CTNNA2: variants seen among roughly 807,000 people sequenced by gnomAD.
CTNNA2 encodes catenin alpha-2.
Under a neutral mutation model 101.0 loss-of-function variants are expected in CTNNA2, and 42 were observed. That is an observed-to-expected ratio of 0.42 (90% confidence interval 0.32 to 0.54). The LOEUF (loss-of-function observed/expected upper bound fraction) is 0.54. Ranked by LOEUF, CTNNA2 falls within the 20% of genes least tolerant of loss-of-function variation. CTNNA2 has a pLI of 0.14. For synonymous variants in CTNNA2, 450 were observed against 456.4 expected, an observed-to-expected ratio of 0.99 and a Z score of 0.18; for missense variants, 871 against 1,223.1, an observed-to-expected ratio of 0.71 and a Z score of 4.29.
intron 9 of CTNNA2, among the ~76,000 whole-genome samples, chr2:80,463,301 C>T (rs936627405): frequency 4.6e-5 from 7 of 152,112 alleles, no homozygotes; most frequent in Admixed American, 1.3e-4. Flanking sequence ...ATAGAACACC[C>T]CCCTTAATAG....
chr2:79,836,131 G>A (rs544257169), intron 3 of CTNNA2, among the ~76,000 whole-genome samples: 2 of 152,222 alleles, frequency 1.3e-5, no homozygotes, highest in East Asian at 1.9e-4. Flanking sequence ...TGCCAATTGG[G>A]TTTAATCTTT....
intron 2 of CTNNA2, among the ~76,000 whole-genome samples, chr2:79,253,375 G>A (rs1674798499): frequency 6.6e-6 from 1 of 152,202 alleles, no homozygotes; most frequent in African/African-American, 2.4e-5. Flanking sequence ...AATTAGCATG[G>A]ACAAACAAGA....
chr2:79,214,158 C>G (rs905720910), intron 2 of CTNNA2, among the ~76,000 whole-genome samples: 1 of 152,106 alleles, frequency 6.6e-6, no homozygotes, highest in African/African-American at 2.4e-5. Flanking sequence ...AGATAGGTAA[C>G]AGATGAGGAA....
intron 6 of CTNNA2, among the ~76,000 whole-genome samples, chr2:79,882,097 T>G (rs1683473790): frequency 6.6e-6 from 1 of 152,064 alleles, no homozygotes; most frequent in South Asian, 2.1e-4. Context: ...AATTCTGGGT[T>G]GAAAATTCTT....
At chr2:80,332,161 A>G (rs1288969727) in intron 7 of CTNNA2, among the ~76,000 whole-genome samples, 1 of 152,150 alleles carries the variant, frequency 6.6e-6, no homozygotes, top group African/African-American at 2.4e-5. Context: ...TTTGGAAATT[A>G]TTGTGTGCAT....
At chr2:80,556,253 C>T (rs922851546) in intron 12 of CTNNA2, among the ~76,000 whole-genome samples, 1 of 152,100 alleles carries the variant, frequency 6.6e-6, no homozygotes, top group Admixed American at 6.6e-5. Flanking sequence ...GGAATGAGGT[C>T]ACAAGGTTAG....
chr2:79,278,151 C>T (rs1032909175), intron 2 of CTNNA2, among the ~76,000 whole-genome samples: 1 of 152,008 alleles, frequency 6.6e-6, no homozygotes, highest in Non-Finnish European at 1.5e-5. Flanking sequence ...ACTGTATGGC[C>T]CTGGCTGCAA....
chr2:79,187,309 G>A (rs191162919), intron 1 of CTNNA2, among the ~76,000 whole-genome samples: 2,856 of 117,458 alleles, frequency 0.024, 48 homozygotes, highest in Middle Eastern at 0.058. Context: ...TCACTCTGTC[G>A]CGCAGGCTGG....
intron 7 of CTNNA2, among the ~76,000 whole-genome samples, chr2:79,926,277 G>A (rs1330222439): frequency 7.9e-5 from 12 of 152,126 alleles, no homozygotes; most frequent in Admixed American, 3.3e-4. Context: ...TATAGAGTAC[G>A]ATACTAGAAC....
In CTNNA2 at chr2:79,789,172, A is replaced by G. The variant is rs538682810; in HGVS notation, c.298+44590A>G. Among the ~76,000 whole-genome samples the G allele has an allele frequency of 3.3e-5, 5 of 152,340 alleles. No homozygotes were observed. The East Asian group carries it at 7.7e-4, about 24-fold the overall frequency. On this transcript the variant is annotated intron_variant, in intron 3 of 18. Coordinates refer to ENST00000402739, the MANE Select transcript of CTNNA2 (RefSeq NM_001282597.3). ...AACAGCTTTATTCTAGTCACGAGTC[A>G]AACCTGTGTGAGTCAGGGAAATGTT...
chr2:80,607,422 A>G (rs781685479), intron 16 of CTNNA2, among the ~76,000 whole-genome samples: 8 of 151,948 alleles, frequency 5.3e-5, no homozygotes, highest in Middle Eastern at 3.4e-3. Flanking sequence ...AGAAGTGTTC[A>G]GCCAAGCTCT....
At chr2:79,356,311 CTTG>C (rs1463459507) in intron 3 of CTNNA2, among the ~76,000 whole-genome samples, 5 of 151,784 alleles carry the variant, frequency 3.3e-5, no homozygotes, top group African/African-American at 9.7e-5. Flanking sequence ...GCTTATTTTT[CTTG>C]TTAAGTGTAA....
intron 9 of CTNNA2, among the ~76,000 whole-genome samples, chr2:80,495,939 C>CAAAAAAAAAAAAAAAAAAAA (rs60582703): frequency 5.6e-5 from 2 of 35,772 alleles, no homozygotes; most frequent in African/African-American, 9.6e-5. Flanking sequence ...GACTCTGTCT[C>CAAAAAAAAAAAAAAAAAAAA]AAAAAAAAAA....
chr2:79,961,271 G>A (rs1208306995), intron 7 of CTNNA2, among the ~76,000 whole-genome samples: 2 of 152,062 alleles, frequency 1.3e-5, no homozygotes, highest in Non-Finnish European at 2.9e-5. Flanking sequence ...GTAAATTCTT[G>A]GCATGCGAAC....
At chr2:79,471,079 T>G (rs1277163484) in intron 4 of CTNNA2, among the ~76,000 whole-genome samples, 1 of 152,156 alleles carries the variant, frequency 6.6e-6, no homozygotes, top group African/African-American at 2.4e-5. Context: ...CATAATGAAA[T>G]TTTTATGAGA....
At chr2:80,377,969 C>T (rs1246077327) in intron 7 of CTNNA2, among the ~76,000 whole-genome samples, 2 of 152,190 alleles carry the variant, frequency 1.3e-5, no homozygotes, top group Non-Finnish European at 2.9e-5. Flanking sequence ...AAGGGAAACT[C>T]CTTTTGGGGG....
At position 80,525,994 on chromosome 2, in the gene CTNNA2, C is replaced by T. The variant is rs576014768; in HGVS notation, c.1291-18988C>T. ...GTCAAAAACCACAGTTACTTTTGCACCAACCTAATACTCTCTTAGCTTCTG... is the reference window on the plus strand; with the variant it reads ...GTCAAAAACCACAGTTACTTTTGCATCAACCTAATACTCTCTTAGCTTCTG... On this transcript the variant is annotated intron_variant, in intron 9 of 18. Transcript: ENST00000402739. 3.7e-4 allele frequency among the ~76,000 whole-genome samples: 56 copies of T among 152,218 alleles called. 1 individual carries two copies. The Middle Eastern group carries it at 0.01, about 28-fold the overall frequency.
intron 3 of CTNNA2, among the ~76,000 whole-genome samples, chr2:79,756,275 A>G (rs1672392427): frequency 6.6e-6 from 1 of 152,226 alleles, no homozygotes; most frequent in Admixed American, 6.5e-5. Context: ...TAGTCTCTCA[A>G]AGTCATCCTG....
chr2:79,855,762 C>T (rs1470746476), intron 3 of CTNNA2, among the ~76,000 whole-genome samples: 1 of 152,164 alleles, frequency 6.6e-6, no homozygotes, highest in Non-Finnish European at 1.5e-5. Flanking sequence ...ATCCCCCTTT[C>T]CCTTGAATAA....
Sources: gnomAD v4.1 joint callset for allele counts (sites outside exome capture counted in the v4.1 genomes callset) on GRCh38, gnomAD v4.1.1 for gene constraint, MANE v1.5 for transcripts, NCBI Gene and HGNC (gene_info 2026-07-23, HGNC 2026-07-21) for gene names.